The following BICD1 variants were observed in gnomAD, a reference collection of about 807,000 sequenced individuals.
The protein encoded by BICD1 is BICD cargo adaptor 1, also known as protein bicaudal D homolog 1.
A neutral mutation model predicts 92.5 loss-of-function variants in BICD1; 35 were observed. The observed-to-expected ratio is 0.38, with a 90% CI of 0.29 to 0.50. The LOEUF (loss-of-function observed/expected upper bound fraction) is 0.50, where lower values mean the gene tolerates loss of function less well. BICD1 is among the 20% of genes least tolerant of loss of function. The pLI is 0.93. For missense variants in BICD1, 950 were observed against 1,189.8 expected (o/e 0.80, Z 2.97); for synonymous variants, 429 against 465.1 (o/e 0.92, Z 1.00).
Position 32,240,723 on chromosome 12 carries a change from T to C in BICD1, c.426+24264T>C, listed in dbSNP as rs941364582. Among the ~76,000 whole-genome samples the C allele has an allele frequency of 4.6e-5, 7 of 152,074 alleles. No homozygotes were observed. The East Asian group carries it at 1.2e-3, about 25-fold the overall frequency. On this transcript the variant is annotated intron_variant, in intron 2 of 9. Transcript: ENST00000652176. ...GGGGACCAATACTCAGCCACAGAGG[T>C]GATACCACTCCCCACCCCTTAAAAA...
intron 1 of BICD1, among the ~76,000 whole-genome samples, chr12:32,156,802 C>T (rs1348857449): frequency 1.3e-5 from 2 of 152,188 alleles, no homozygotes; most frequent in Non-Finnish European, 2.9e-5. Flanking sequence ...TTGGAACAAT[C>T]CTAGAAGCAG....
intron 1 of BICD1, among the ~76,000 whole-genome samples, 177 bp from the exon 2 acceptor site, chr12:32,216,070 T>C (rs1263446917): frequency 6.6e-6 from 1 of 152,192 alleles, no homozygotes; most frequent in Non-Finnish European, 1.5e-5. Flanking sequence ...TTTTTCCTTA[T>C]TAAGCGAATT....
chr12:32,142,234 CG>C (rs1942947171), intron 1 of BICD1, among the ~76,000 whole-genome samples: 1 of 151,612 alleles, frequency 6.6e-6, no homozygotes, highest in Non-Finnish European at 1.5e-5. Flanking sequence ...GGTGAAACCC[CG>C]TCTCTATTAA....
intron 1 of BICD1, among the ~76,000 whole-genome samples, chr12:32,138,269 T>G (rs2121346757): frequency 6.6e-6 from 1 of 152,268 alleles, no homozygotes; most frequent in South Asian, 2.1e-4. Context: ...ACAGATAAAT[T>G]AATTTGTCTA....
At chr12:32,323,374 T>C (rs1439929367) in intron 4 of BICD1, among the ~76,000 whole-genome samples, 7 of 152,248 alleles carry the variant, frequency 4.6e-5, no homozygotes, top group African/African-American at 7.2e-5. Flanking sequence ...ATAGCTAACA[T>C]TGTAGAACCT....
At chr12:32,174,512 A>C (rs184317549) in intron 1 of BICD1, among the ~76,000 whole-genome samples, 1 of 152,114 alleles carries the variant, frequency 6.6e-6, no homozygotes, top group African/African-American at 2.4e-5. Flanking sequence ...CCAAAAAAAA[A>C]AGAGAAAAAA....
intron 2 of BICD1, among the ~76,000 whole-genome samples, chr12:32,273,690 A>G (rs1247283638): frequency 6.6e-6 from 1 of 152,188 alleles, no homozygotes; most frequent in Non-Finnish European, 1.5e-5. Context: ...TAGCTAGTCC[A>G]TTTCATCCTT....
At chr12:32,168,632 G>T (rs1943842996) in intron 1 of BICD1, among the ~76,000 whole-genome samples, 1 of 152,192 alleles carries the variant, frequency 6.6e-6, no homozygotes, top group African/African-American at 2.4e-5. Context: ...CAGGAACTTG[G>T]GATGTGAACC....
chr12:32,210,597 A>C (rs1270760600), intron 1 of BICD1, among the ~76,000 whole-genome samples: 2 of 152,326 alleles, frequency 1.3e-5, no homozygotes, highest in East Asian at 3.9e-4. Context: ...AATTTAAAGC[A>C]AATTTGCTCC....
At chr12:32,198,348 A>ATATATATATATATG in intron 1 of BICD1, among the ~76,000 whole-genome samples, 1 of 142,534 alleles carries the variant, frequency 7.0e-6, no homozygotes, top group Non-Finnish European at 1.5e-5. Context: ...ATATATATAT[A>ATATATATATATATG]TATATTCCAA....
intron 1 of BICD1, among the ~76,000 whole-genome samples, chr12:32,166,817 G>A (rs898346788): frequency 6.6e-6 from 1 of 152,100 alleles, no homozygotes; most frequent in Non-Finnish European, 1.5e-5. Flanking sequence ...ACCTCTCTAA[G>A]ACTCAGTTAC....
At chr12:32,284,869 C>CAG (rs1244974668) in intron 2 of BICD1, among the ~76,000 whole-genome samples, 3 of 152,196 alleles carry the variant, frequency 2.0e-5, no homozygotes, top group Non-Finnish European at 4.4e-5. Flanking sequence ...CCCACTACTT[C>CAG]AGAGGTTCGC....
At chr12:32,310,970 T>G (rs1012520276) in intron 4 of BICD1, among the ~76,000 whole-genome samples, 4 of 152,182 alleles carry the variant, frequency 2.6e-5, no homozygotes, top group African/African-American at 9.7e-5. Flanking sequence ...ATTTATGTTT[T>G]CCCATCCATA....
At chr12:32,234,987 A>C (rs971107622) in intron 2 of BICD1, among the ~76,000 whole-genome samples, 2 of 152,178 alleles carry the variant, frequency 1.3e-5, no homozygotes, top group African/African-American at 4.8e-5. Flanking sequence ...TGCCAGCCTA[A>C]ACATCTCGTC....
chr12:32,305,924 A>G lies in BICD1; in HGVS notation c.807A>G (p.Gly269=). The stretch of plus-strand genomic sequence containing the variant: ...ACCATATCAGCATCTCAGTAGATGG[A>G]CTCAAATTTGCCGAGGATGGGAGTG... The part of the protein sequence containing the change: ...NDNHISISVD[G]LKFAEDGSEP... Residue 269 remains glycine, a synonymous_variant, in exon 4 of 10, where the codon GGA becomes GGG. Coordinates refer to ENST00000652176, the MANE Select transcript of BICD1 (RefSeq NM_001714.4). 6.2e-7 allele frequency: 1 copy of G among 1,614,170 alleles called. No individual in the cohort carries two copies. The highest frequency in any genetic ancestry group is 1.1e-5 in the South Asian group (1 of 91,072).
In BICD1 at chr12:32,306,010, G is replaced by A; in HGVS notation, c.893G>A (p.Gly298Glu). 1.9e-6 allele frequency: 3 copies of A among 1,614,176 alleles called. No homozygotes were observed. The highest frequency in any genetic ancestry group is 2.5e-6 in the Non-Finnish European group (3 of 1,180,030). ...HIHGPLVKLN[G>E]DYRTPTLRKG... ...CATGGGCCTCTTGTGAAACTGAATG[G>A]AGACTATCGGACTCCCACCTTAAGG... is the stretch of plus-strand genomic sequence containing the variant. Residue 298 changes from glycine to glutamate, a missense_variant, in exon 4 of 10, where the codon GGA becomes GAA. Physicochemically the swap from Gly to Glu is moderately conservative, Grantham distance 98 (BLOSUM62 -2). Around this residue, in one of 5 missense-constraint regions of BICD1, gnomAD observed 246 missense variants for 258.4 expected, o/e 0.95. Coordinates refer to ENST00000652176, the MANE Select transcript of BICD1 (RefSeq NM_001714.4).
chr12:32,266,099 G>A (rs1200094488), intron 2 of BICD1, among the ~76,000 whole-genome samples: 3 of 152,048 alleles, frequency 2.0e-5, no homozygotes, highest in South Asian at 4.1e-4. Context: ...GCACAGACAC[G>A]ATTTCTATTT....
chr12:32,290,694 C>T (rs1236706196), intron 2 of BICD1, among the ~76,000 whole-genome samples: 1 of 152,156 alleles, frequency 6.6e-6, no homozygotes, highest in African/African-American at 2.4e-5. Flanking sequence ...TGTCTAAGTC[C>T]TTGGACTGCC....
chr12:32,370,776 T>C (rs1194766259), intron 9 of BICD1, among the ~76,000 whole-genome samples: 1 of 152,210 alleles, frequency 6.6e-6, no homozygotes, highest in African/African-American at 2.4e-5. Flanking sequence ...TCAGTATCTG[T>C]TATCAATACT....
Sources: allele counts gnomAD v4.1 joint callset (sites outside exome capture counted in the v4.1 genomes callset), GRCh38; gene constraint gnomAD v4.1.1; regional missense constraint gnomAD v4.1.1; transcripts MANE v1.5; gene names NCBI Gene and HGNC (gene_info 2026-07-23, HGNC 2026-07-21).